The following RNF130 variants were observed in gnomAD, a reference collection of about 807,000 sequenced individuals.
The protein encoded by RNF130 is E3 ubiquitin-protein ligase RNF130.
Under a neutral mutation model 44.6 loss-of-function variants are expected in RNF130, and 21 were observed. The observed-to-expected ratio is 0.47, with a 90% CI of 0.33 to 0.68. The LOEUF (loss-of-function observed/expected upper bound fraction) is 0.68. RNF130 is among the 30% of genes least tolerant of loss of function. RNF130 has a pLI of 0.02. For synonymous variants in RNF130, 214 were observed against 210.4 expected, an observed-to-expected ratio of 1.02 and a Z score of -0.15; for missense variants, 479 against 560.6, an observed-to-expected ratio of 0.85 and a Z score of 1.47.
At chr5:179,955,789 C>A (rs1762199611) in intron 8 of RNF130, 120 bp from the exon 9 acceptor site, 26 of 734,368 alleles carry the variant, frequency 3.5e-5, no homozygotes, top group Non-Finnish European at 5.9e-5. Flanking sequence ...CCCAACCCCT[C>A]TGGTAAGGCC....
chr5:179,945,594 C>A (rs1282028177), intron 7 of RNF130, among the ~76,000 whole-genome samples: 2 of 152,164 alleles, frequency 1.3e-5, no homozygotes, highest in Non-Finnish European at 2.9e-5. Context: ...GCAGGACTCA[C>A]ACCGCGGTGG....
intron 1 of RNF130, among the ~76,000 whole-genome samples, chr5:180,066,689 T>C (rs1450686624): frequency 6.6e-6 from 1 of 151,924 alleles, no homozygotes; most frequent in Middle Eastern, 3.4e-3. Context: ...TACAAAAAAT[T>C]AGCCGTGCTT....
intron 1 of RNF130, 90 bp from the exon 2 acceptor site, chr5:180,040,737 G>A: frequency 8.2e-7 from 1 of 1,222,780 alleles, no homozygotes; most frequent in Non-Finnish European, 1.1e-6. Flanking sequence ...ATACCACACA[G>A]AGCTAAAGCA....
rs182040918 is a variant in RNF130 at position 180,058,828 on chromosome 5, C to T, written c.247+12628G>A. ...CTGCCCACCTCAGCCTCCCAAAGTG[C>T]TGGGATTACAGGCTGAGCCACTGCA... On this transcript the variant is annotated intron_variant, in intron 1 of 8. Transcript: ENST00000521389. Among the ~76,000 whole-genome samples the T allele has an allele frequency of 9.8e-5, 15 of 152,290 alleles. No homozygotes were observed. In the East Asian group the frequency reaches 2.1e-3, roughly 22 times the overall value.
At position 180,068,190 on chromosome 5, in the gene RNF130, C is replaced by G. The variant is rs370679897; in HGVS notation, c.247+3266G>C. On this transcript the variant is annotated intron_variant, in intron 1 of 8. Transcript: ENST00000521389. ...TCCCAACCCCCACTCTGGGGCCAAACAAAAAGTTAGTGTGCACACACATAA... is the reference window on the plus strand; with the variant it reads ...TCCCAACCCCCACTCTGGGGCCAAAGAAAAAGTTAGTGTGCACACACATAA... Among the ~76,000 whole-genome samples, 67 of 152,318 alleles carry G rather than the reference C, an allele frequency of 4.4e-4. 1 individual carries two copies. The South Asian group carries it at 0.013, about 30-fold the overall frequency.
In RNF130 at chr5:179,955,381, A is replaced by T; in HGVS notation, c.*273T>A. The stretch of plus-strand genomic sequence containing the variant: ...TTCCTCTCACGGGAGCCAGGAGCAC[A>T]TTCTGTCTCTGAAACACAAACAAAT... On this transcript the variant is annotated 3_prime_UTR_variant, in exon 9 of 9. Transcript: ENST00000521389. 2 of 379,404 alleles carry T rather than the reference A, an allele frequency of 5.3e-6. No individual in the cohort carries two copies. The highest frequency in any genetic ancestry group is 9.5e-6 in the Non-Finnish European group (2 of 209,746). The allele number at this position is 379,404 out of a possible 1,614,324, so 23.5% of individuals were successfully genotyped here.
At chr5:179,926,433 A>G (rs566422425) in intron 7 of RNF130, among the ~76,000 whole-genome samples, 115 of 152,134 alleles carry the variant, frequency 7.6e-4, no homozygotes, top group African/African-American at 2.7e-3. Flanking sequence ...ATCACCTGAG[A>G]TCAGGAGTTT....
At chr5:180,010,648 C>T (rs1167785993) in intron 3 of RNF130, among the ~76,000 whole-genome samples, 1 of 152,166 alleles carries the variant, frequency 6.6e-6, no homozygotes, top group Non-Finnish European at 1.5e-5. Flanking sequence ...GTGTGAGCCA[C>T]CGTGCCTGGC....
exon 8 of RNF130, chr5:179,913,445 T>G (rs1761497093): frequency 6.7e-6 from 1 of 148,740 alleles, no homozygotes. Context: ...CAGCTTAGGG[T>G]GGAAAAGGAA....
At chr5:179,946,941 C>T (rs866597093) in intron 7 of RNF130, among the ~76,000 whole-genome samples, 17 of 152,210 alleles carry the variant, frequency 1.1e-4, no homozygotes, top group South Asian at 4.2e-4. Flanking sequence ...CCCTAGCTCC[C>T]GTTATTTCTA....
intron 1 of RNF130, among the ~76,000 whole-genome samples, chr5:180,070,994 T>A: frequency 6.9e-6 from 1 of 144,142 alleles, no homozygotes; most frequent in East Asian, 2.2e-4. Flanking sequence ...CCCCCCCCAA[T>A]TTACCACTTA....
chr5:180,039,822 T>C (rs1764364230), intron 2 of RNF130, among the ~76,000 whole-genome samples: 1 of 152,188 alleles, frequency 6.6e-6, no homozygotes, highest in South Asian at 2.1e-4. Flanking sequence ...CCCTCTTCTG[T>C]TGGCCCTTAC....
chr5:180,018,243 C>T (rs1354567312), intron 2 of RNF130, among the ~76,000 whole-genome samples: 2 of 150,180 alleles, frequency 1.3e-5, no homozygotes, highest in Non-Finnish European at 3.0e-5. Context: ...TTCAGTGAGC[C>T]GAGACTGTGC....
At chr5:180,051,902 A>G (rs146245696) in intron 1 of RNF130, among the ~76,000 whole-genome samples, 3 of 152,368 alleles carry the variant, frequency 2.0e-5, no homozygotes, top group African/African-American at 7.2e-5. Flanking sequence ...AAGATGCTAC[A>G]GATCTAAATA....
intron 1 of RNF130, among the ~76,000 whole-genome samples, chr5:180,046,143 A>G (rs998992443): frequency 4.7e-4 from 72 of 152,272 alleles, no homozygotes; most frequent in African/African-American, 1.7e-3. Flanking sequence ...GCAGGCCCAC[A>G]GTGCTGAGGG....
At chr5:180,040,763 T>C in intron 1 of RNF130, 116 bp from the exon 2 acceptor site, 1 of 879,546 alleles carries the variant, frequency 1.1e-6, no homozygotes, top group Admixed American at 2.8e-5. Flanking sequence ...AGCAGCTCGC[T>C]GCCAGCAGAG....
intron 2 of RNF130, among the ~76,000 whole-genome samples, chr5:180,038,389 GGAA>G (rs1764300244): frequency 8.3e-6 from 1 of 120,876 alleles, no homozygotes; most frequent in Admixed American, 9.3e-5. Context: ...TCGGGGAGGG[GGAA>G]AAAAAAAAAG....
chr5:179,992,594 T>G (rs79700017), intron 3 of RNF130, among the ~76,000 whole-genome samples: 2,417 of 152,228 alleles, frequency 0.016, 65 homozygotes, highest in African/African-American at 0.054. Flanking sequence ...TGTGTTTTTT[T>G]GGGGGGGTGT....
chr5:180,001,806 C>G (rs1763350934), intron 3 of RNF130, among the ~76,000 whole-genome samples: 2 of 152,186 alleles, frequency 1.3e-5, no homozygotes, highest in South Asian at 4.1e-4. Context: ...TAATTCCACT[C>G]TCCAAGAGGA....
Sources: allele counts gnomAD v4.1 joint callset (sites outside exome capture counted in the v4.1 genomes callset), GRCh38; gene constraint gnomAD v4.1.1; transcripts MANE v1.5; gene names NCBI Gene and HGNC (gene_info 2026-07-23, HGNC 2026-07-21).